MYO7B: variants seen among roughly 807,000 people sequenced by gnomAD.
MYO7B encodes the protein unconventional myosin-VIIb.
MYO7B carries 212 observed loss-of-function variants against 259.7 expected under a neutral mutation model. The ratio of observed to expected loss-of-function variants is 0.82; its 90% CI spans 0.73 to 0.91. The LOEUF is 0.91. MYO7B is among the 40% of genes least tolerant of loss of function. The pLI is 0.00. For missense variants in MYO7B, 2,732 were observed against 2,813.5 expected (o/e 0.97, Z 0.66); for synonymous variants, 1,197 against 1,166.4 (o/e 1.03, Z -0.54).
chr2:127,599,267 G>A (rs1679877316), intron 19 of MYO7B, among the ~76,000 whole-genome samples: 1 of 152,072 alleles, frequency 6.6e-6, no homozygotes, highest in Non-Finnish European at 1.5e-5. Context: ...CACAAACCCT[G>A]TACATGTTTT....
chr2:127,609,937 G>C lies in MYO7B; in HGVS notation c.3113G>C (p.Ser1038Thr). The C allele has an allele frequency of 6.2e-7, 1 of 1,608,316 alleles. No homozygotes were observed. Among genetic ancestry groups the C allele is most frequent in the Non-Finnish European group, 8.5e-7 (1 of 1,177,258 alleles). ...VLYARSSQQGSSVMRQIHDTL... is the reference protein window; with the variant it reads ...VLYARSSQQGTSVMRQIHDTL... ...TATGCCAGGAGCAGCCAGCAGGGCA[G>C]CTCAGTGATGCGGCAGATCCATGAC... is the stretch of plus-strand genomic sequence containing the variant. The change falls in exon 24 of 48, where the codon AGC (serine) becomes ACC (threonine). Residue 1038 changes from serine (S) to threonine (T), a missense_variant. Ser to Thr is a moderately conservative substitution (Grantham distance 58). Coordinates refer to ENST00000409816, the MANE Select transcript of MYO7B (RefSeq NM_001393586.1). This position sits in a 1 kb window ranked among gnomAD's most constrained non-coding sequence, Gnocchi z 6.9.
At position 127,625,221 on chromosome 2, in the gene MYO7B, A is replaced by T. The variant is rs991801925; in HGVS notation, c.4048-147A>T. 7.6e-6 allele frequency: 7 copies of T among 922,436 alleles called. No individual in the cohort carries two copies. In the African/African-American group the frequency reaches 8.5e-5, roughly 11 times the overall value. 57.1% of individuals were successfully genotyped at this position (922,436 alleles called of 1,614,324 possible). On this transcript the variant is annotated intron_variant, in intron 30 of 47. Transcript: ENST00000409816. ...GCCTGCATGGTGGCCCAGTCAGGGCATGCAGGGAGGGGGAAGGTCCTGCCC... is the reference window on the plus strand; with the variant it reads ...GCCTGCATGGTGGCCCAGTCAGGGCTTGCAGGGAGGGGGAAGGTCCTGCCC...
intron 1 of MYO7B, among the ~76,000 whole-genome samples, chr2:127,550,954 T>C (rs2104819754): frequency 6.6e-6 from 1 of 152,042 alleles, no homozygotes; most frequent in African/African-American, 2.4e-5. Flanking sequence ...ATTTATTATC[T>C]CACACAAGTT....
intron 19 of MYO7B, among the ~76,000 whole-genome samples, chr2:127,604,518 T>C (rs777786604): frequency 8.5e-5 from 13 of 152,218 alleles, no homozygotes; most frequent in Non-Finnish European, 1.3e-4. Context: ...ACCTTTAATT[T>C]CCTTCAGGAA....
chr2:127,582,958 G>A (rs1189263473), intron 12 of MYO7B, among the ~76,000 whole-genome samples: 1 of 152,246 alleles, frequency 6.6e-6, no homozygotes, highest in Non-Finnish European at 1.5e-5. Context: ...TGCAAGCTAT[G>A]ACTGTGATGA....
intron 30 of MYO7B, among the ~76,000 whole-genome samples, 166 bp from the exon 31 acceptor site, chr2:127,625,202 A>G (rs1681042705): frequency 1.3e-5 from 2 of 152,186 alleles, no homozygotes; most frequent in African/African-American, 4.8e-5. Flanking sequence ...CCCAGCCTGC[A>G]TGGTGGCCCA....
chr2:127,569,588 A>G (rs1678499467), intron 5 of MYO7B, among the ~76,000 whole-genome samples: 1 of 152,154 alleles, frequency 6.6e-6, no homozygotes, highest in South Asian at 2.1e-4. Flanking sequence ...AAGAAAAGAC[A>G]AACACAATAA....
Position 127,629,714 on chromosome 2 carries a change from C to G in MYO7B, c.4694C>G (p.Ala1565Gly). 6 of 1,612,298 alleles carry G rather than the reference C, an allele frequency of 3.7e-6. No homozygotes were observed. Among genetic ancestry groups the G allele is most frequent in the Non-Finnish European group, 5.1e-6 (6 of 1,179,448 alleles). The change falls in exon 35 of 48, where the codon GCC (alanine) becomes GGC (glycine). Residue 1565 changes from alanine to glycine, a missense_variant. By Grantham distance (60) the Ala-to-Gly change is moderately conservative (BLOSUM62 0). Coordinates refer to ENST00000409816, the MANE Select transcript of MYO7B (RefSeq NM_001393586.1). ...LVLTKKQGLL[A>G]SENWTLGQND... ...CTCACAAAGAAGCAGGGGCTGCTGGCCTCTGAGAACTGGACCCTCGGCCAG... is the reference window on the plus strand; with the variant it reads ...CTCACAAAGAAGCAGGGGCTGCTGGGCTCTGAGAACTGGACCCTCGGCCAG...
rs1681289635 is a variant in MYO7B at position 127,628,610 on chromosome 2, GCATGCTCATCTCCA to G, written c.4624+78_4624+91del. On this transcript the variant is annotated intron_variant, in intron 34 of 47. Coordinates refer to ENST00000409816, the MANE Select transcript of MYO7B (RefSeq NM_001393586.1). This position sits in a 1 kb window ranked among gnomAD's most constrained non-coding sequence, Gnocchi z 4.8. ...CGCGCATGGGGTCTGTAGGTAGGTG[GCATGCTCATCTCCA>G]CACAGCAGCCACAAGGCAAGCAGAG... 7.1e-7 allele frequency: 1 copy of G among 1,399,768 alleles called. No individual in the cohort carries two copies. The highest frequency in any genetic ancestry group is 1.4e-5 in the African/African-American group (1 of 70,690). The allele number at this position is 1,399,768 out of a possible 1,614,324, so 86.7% of individuals were successfully genotyped here.
chr2:127,594,617 G>A (rs1679694022), intron 18 of MYO7B, among the ~76,000 whole-genome samples: 1 of 152,180 alleles, frequency 6.6e-6, no homozygotes, highest in Admixed American at 6.5e-5. Flanking sequence ...TGTCATAAAT[G>A]GCTCTTATTA....
In MYO7B at chr2:127,636,511, G is replaced by C. The variant is rs201420945; in HGVS notation, c.6124-34G>C. On this transcript the variant is annotated intron_variant, in intron 45 of 47. Coordinates refer to ENST00000409816, the MANE Select transcript of MYO7B (RefSeq NM_001393586.1). This position sits in a 1 kb window ranked among gnomAD's most constrained non-coding sequence, Gnocchi z 4.5. ...TGGGAGGTGCAGCCTGGCCTCCCGGGCTGGACTATGACCGCCGTGTCCCTC... is the reference window on the plus strand; with the variant it reads ...TGGGAGGTGCAGCCTGGCCTCCCGGCCTGGACTATGACCGCCGTGTCCCTC... 3.6e-4 allele frequency: 565 copies of C among 1,589,048 alleles called. No individual in the cohort carries two copies. The African/African-American group carries it at 7.0e-3, about 20-fold the overall frequency.
chr2:127,634,155 AC>A lies in MYO7B; in HGVS notation c.5512-19del. On this transcript the variant is annotated intron_variant, in intron 40 of 47. Coordinates refer to ENST00000409816, the MANE Select transcript of MYO7B (RefSeq NM_001393586.1). ...GGCCCCTAGCCAGGCCCCGGGCCTC[AC>A]CAGCTGCCTCTCTGTCCAGATGCTG... 1 of 1,578,034 alleles carries A rather than the reference AC, an allele frequency of 6.3e-7. No homozygotes were observed. Among genetic ancestry groups the A allele is most frequent in the South Asian group, 1.2e-5 (1 of 86,516 alleles).
chr2:127,576,879 TTGCCCGCG>T lies in MYO7B; in HGVS notation c.849+176_849+183del, dbSNP rs1011056192. Among the ~76,000 whole-genome samples the T allele has an allele frequency of 6.6e-6, 1 of 152,106 alleles. No individual in the cohort carries two copies. Among genetic ancestry groups the T allele is most frequent in the African/African-American group, 2.4e-5 (1 of 41,510 alleles). The stretch of plus-strand genomic sequence containing the variant: ...CAGCCCCTCTCTGCTGGGAATCACC[TTGCCCGCG>T]TGCCTCCCGCTTCCCCGTCACATGT... On this transcript the variant is annotated intron_variant, in intron 8 of 47. Coordinates refer to ENST00000409816, the MANE Select transcript of MYO7B (RefSeq NM_001393586.1). This position sits in a 1 kb window ranked among gnomAD's most constrained non-coding sequence, Gnocchi z 4.9.
In MYO7B at chr2:127,622,073, C is replaced by T. The variant is rs769952648; in HGVS notation, c.3617C>T (p.Ala1206Val). 65 of 1,550,494 alleles carry T rather than the reference C, an allele frequency of 4.2e-5. 1 individual carries two copies. The highest frequency in any genetic ancestry group is 4.2e-5 in the Non-Finnish European group (48 of 1,146,248). Reference protein sequence around the residue: ...LRRTYANGVRAEPPTWLELQA... With the variant: ...LRRTYANGVRVEPPTWLELQA... ...CGCACCTATGCCAATGGGGTGCGTG[C>T]GGAGCCCCCCACCTGGCTGGAGCTG... Residue 1206 changes from alanine (A) to valine (V), a missense_variant, in exon 28 of 48, where the codon GCG (alanine) becomes GTG (valine). By Grantham distance (64) the Ala-to-Val change is moderately conservative. Around this residue, in one of 3 missense-constraint regions of MYO7B, gnomAD observed 1,906 missense variants for 2,026.4 expected, o/e 0.94. Coordinates refer to ENST00000409816, the MANE Select transcript of MYO7B (RefSeq NM_001393586.1).
At chr2:127,554,970 T>C (rs760880007) in intron 1 of MYO7B, among the ~76,000 whole-genome samples, 19 of 150,780 alleles carry the variant, frequency 1.3e-4, no homozygotes, top group Non-Finnish European at 2.5e-4. Context: ...TTTTTTGAGA[T>C]GGAGTTTCAC....
chr2:127,574,511 G>A (rs1678784640), intron 7 of MYO7B, among the ~76,000 whole-genome samples: 1 of 152,242 alleles, frequency 6.6e-6, no homozygotes, highest in Non-Finnish European at 1.5e-5. Context: ...CTGCACTCCA[G>A]CCTGGGCAAC....
chr2:127,555,570 AT>A (rs1213281180), intron 1 of MYO7B, among the ~76,000 whole-genome samples: 1 of 152,164 alleles, frequency 6.6e-6, no homozygotes, highest in African/African-American at 2.4e-5. Flanking sequence ...CCTTTGCTGT[AT>A]CCCAGAGGTT....
In MYO7B at chr2:127,564,236, C is replaced by G. The variant is rs1424110726; in HGVS notation, c.102C>G (p.Gly34=). The change falls in exon 3 of 48, where the codon GGC becomes GGG. Residue 34 remains glycine (G), a synonymous_variant. Transcript: ENST00000409816. The part of the protein sequence containing the change: ...IGGIIKEAKP[G]KVLVEDDEGK... ...GCATCATCAAAGAGGCAAAGCCAGG[C>G]AAAGTCTTGGTTGAAGATGACGAGG... is the stretch of plus-strand genomic sequence containing the variant. 1.9e-6 allele frequency: 3 copies of G among 1,579,302 alleles called. No homozygotes were observed. In the African/African-American group the frequency reaches 4.0e-5, roughly 21 times the overall value.
chr2:127,608,649 GGCTGGGCCCCCTGAGCCCT>G (rs1294883739), intron 21 of MYO7B, 40 bp from the exon 22 acceptor site: 6 of 1,549,938 alleles, frequency 3.9e-6, no homozygotes, highest in African/African-American at 1.4e-5. Flanking sequence ...GGGTAGGCAG[GGCTGGGCCCCCTGAGCCCT>G]GCTGGGCCCC....
Sources: allele counts gnomAD v4.1 joint callset (sites outside exome capture counted in the v4.1 genomes callset), GRCh38; gene constraint gnomAD v4.1.1; regional missense constraint gnomAD v4.1.1; non-coding constraint Gnocchi (gnomAD v3.1); transcripts MANE v1.5; gene names NCBI Gene and HGNC (gene_info 2026-07-23, HGNC 2026-07-21).